Variants in ADAMTS6 observed in about 807,000 individuals in gnomAD.
The protein encoded by ADAMTS6 is A disintegrin and metalloproteinase with thrombospondin motifs 6.
A neutral mutation model predicts 144.3 loss-of-function variants in ADAMTS6; 23 were observed. That is an observed-to-expected ratio of 0.16 (90% CI 0.11 to 0.23). The LOEUF is 0.23. Ranked by LOEUF, ADAMTS6 falls within the 10% of genes least tolerant of loss-of-function variation. The pLI is 1.00. For missense variants in ADAMTS6, 999 were observed against 1,379.6 expected (o/e 0.72, Z 4.37); for synonymous variants, 444 against 457.5 (o/e 0.97, Z 0.38).
intron 24 of ADAMTS6, among the ~76,000 whole-genome samples, chr5:65,158,682 T>A (rs1752571790): frequency 6.6e-6 from 1 of 152,196 alleles, no homozygotes. Flanking sequence ...AATTCACTTT[T>A]AGCAGCAACA....
chr5:65,451,536 C>G lies in ADAMTS6; in HGVS notation c.1012G>C (p.Asp338His). The change falls in exon 7 of 25, where the codon GAT becomes CAT. Residue 338 changes from aspartate to histidine, a missense_variant. Physicochemically the swap from Asp to His is moderately conservative, Grantham distance 81. Coordinates refer to ENST00000381055, the MANE Select transcript of ADAMTS6 (RefSeq NM_197941.4). ...CCATTTTCTGGAATGGTGTTTCCAT[C>G]ACTTTGGTGGGAGAGAATGGATTTC... is the stretch of plus-strand genomic sequence containing the variant. Reference protein sequence around the residue: ...WQKSILSHQSDGNTIPENGIA... With the variant: ...WQKSILSHQSHGNTIPENGIA... 2 of 1,613,650 alleles carry G rather than the reference C, an allele frequency of 1.2e-6. No individual in the cohort carries two copies. Among genetic ancestry groups the G allele is most frequent in the Non-Finnish European group, 1.7e-6 (2 of 1,179,812 alleles).
intron 9 of ADAMTS6, among the ~76,000 whole-genome samples, chr5:65,302,194 TATATG>T (rs1168326585): frequency 1.4e-5 from 2 of 144,262 alleles, no homozygotes; most frequent in African/African-American, 5.1e-5. Context: ...ATTATATATT[TATATG>T]ATATTATACA....
chr5:65,317,608 A>G (rs1367766833), intron 9 of ADAMTS6, among the ~76,000 whole-genome samples: 1 of 152,234 alleles, frequency 6.6e-6, no homozygotes, highest in Non-Finnish European at 1.5e-5. Context: ...AACAATCAAC[A>G]AAGTGAAGAG....
In ADAMTS6 at chr5:65,215,478, G is replaced by T. The variant is rs977368635; in HGVS notation, c.2282C>A (p.Ser761Tyr). Residue 761 changes from serine (S) to tyrosine (Y), a missense_variant, in exon 19 of 25, where the codon TCT (serine) becomes TAT (tyrosine). By Grantham distance (144) the Ser-to-Tyr change is moderately radical (BLOSUM62 -2). Around this residue, in one of 3 missense-constraint regions of ADAMTS6, gnomAD observed 619 missense variants for 837.0 expected, o/e 0.74. Coordinates refer to ENST00000381055, the MANE Select transcript of ADAMTS6 (RefSeq NM_197941.4). Reference protein sequence around the residue: ...AMSKNYIALKSEGDDYYINGA... With the variant: ...AMSKNYIALKYEGDDYYINGA... ...ATTAATATAGTAATCATCTCCTTCAGATTTTAAAGCTAGAAAACAAATCAC... is the reference window on the plus strand; with the variant it reads ...ATTAATATAGTAATCATCTCCTTCATATTTTAAAGCTAGAAAACAAATCAC... 2.5e-6 allele frequency: 4 copies of T among 1,600,550 alleles called. No homozygotes were observed. In the African/African-American group the frequency reaches 4.0e-5, roughly 16 times the overall value.
At chr5:65,215,883 C>T (rs1366140196) in intron 18 of ADAMTS6, among the ~76,000 whole-genome samples, 1 of 151,866 alleles carries the variant, frequency 6.6e-6, no homozygotes, top group East Asian at 1.9e-4. Context: ...ACAGACTGAT[C>T]GACAGAACAC....
At chr5:65,325,326 T>A (rs1240287995) in intron 9 of ADAMTS6, among the ~76,000 whole-genome samples, 2 of 152,172 alleles carry the variant, frequency 1.3e-5, no homozygotes. Flanking sequence ...AATGTACTTA[T>A]GGGAAAGCAA....
chr5:65,190,991 G>A (rs1325904734), intron 21 of ADAMTS6, among the ~76,000 whole-genome samples: 12 of 151,864 alleles, frequency 7.9e-5, no homozygotes, highest in Non-Finnish European at 1.8e-4. Context: ...CCACGTATTT[G>A]ACCCTCTGAT....
At chr5:65,174,210 C>A (rs1232104033) in intron 22 of ADAMTS6, among the ~76,000 whole-genome samples, 1 of 152,134 alleles carries the variant, frequency 6.6e-6, no homozygotes, top group African/African-American at 2.4e-5. Flanking sequence ...GTGAGTCTTG[C>A]TGAAGCTCCT....
chr5:65,398,856 AAG>A (rs1353690748), intron 7 of ADAMTS6, among the ~76,000 whole-genome samples: 6 of 150,482 alleles, frequency 4.0e-5, no homozygotes, highest in South Asian at 2.1e-4. Flanking sequence ...AAGAAAAAGA[AAG>A]AGAAAGAAAG....
chr5:65,185,784 C>T (rs912192881), intron 22 of ADAMTS6, among the ~76,000 whole-genome samples: 5 of 152,134 alleles, frequency 3.3e-5, no homozygotes, highest in Admixed American at 1.3e-4. Flanking sequence ...CTGAAGGAAA[C>T]TTTAAAATAG....
intron 7 of ADAMTS6, among the ~76,000 whole-genome samples, chr5:65,406,971 A>C (rs183790681): frequency 6.6e-6 from 1 of 152,284 alleles, no homozygotes; most frequent in East Asian, 1.9e-4. Context: ...GCCTCCAAGA[A>C]ATATGGGACT....
At chr5:65,338,646 A>G (rs1284300895) in intron 7 of ADAMTS6, among the ~76,000 whole-genome samples, 1 of 152,048 alleles carries the variant, frequency 6.6e-6, no homozygotes, top group South Asian at 2.1e-4. Flanking sequence ...ACACCCTCCC[A>G]GCCAGCCAAG....
intron 20 of ADAMTS6, among the ~76,000 whole-genome samples, chr5:65,205,451 T>C (rs1048192877): frequency 1.3e-5 from 2 of 152,232 alleles, no homozygotes; most frequent in Non-Finnish European, 1.5e-5. Context: ...TGTTCTCTTT[T>C]AGTCAGCTAT....
At chr5:65,448,395 A>T (rs1246782387) in intron 7 of ADAMTS6, among the ~76,000 whole-genome samples, 3 of 152,152 alleles carry the variant, frequency 2.0e-5, no homozygotes, top group African/African-American at 7.2e-5. Context: ...TTTTCTGCAT[A>T]AACCTTTGAG....
At chr5:65,198,690 C>T (rs1755544535) in intron 20 of ADAMTS6, 1 of 166,916 alleles carries the variant, frequency 6.0e-6, no homozygotes, top group Admixed American at 6.6e-5. Flanking sequence ...CCTTCTGCAA[C>T]CATTTTTTAT....
intron 11 of ADAMTS6, among the ~76,000 whole-genome samples, chr5:65,289,560 C>T (rs771615542): frequency 2.0e-5 from 3 of 152,078 alleles, no homozygotes; most frequent in South Asian, 2.1e-4. Flanking sequence ...ATATCAGGAA[C>T]ATAAAGTAAA....
chr5:65,218,989 T>C (rs761735192), intron 18 of ADAMTS6, among the ~76,000 whole-genome samples: 6 of 152,072 alleles, frequency 3.9e-5, no homozygotes, highest in Admixed American at 6.5e-5. Context: ...CAAAGAAGTA[T>C]AGCTAATAAG....
intron 7 of ADAMTS6, among the ~76,000 whole-genome samples, chr5:65,411,548 A>G (rs1025184813): frequency 6.6e-6 from 1 of 152,044 alleles, no homozygotes; most frequent in African/African-American, 2.4e-5. Flanking sequence ...TTTTGTGTCA[A>G]TCCTTCCCCA....
intron 14 of ADAMTS6, 128 bp from the exon 15 acceptor site, chr5:65,242,334 G>T: frequency 1.8e-6 from 1 of 563,580 alleles, no homozygotes; most frequent in Non-Finnish European, 3.0e-6. Flanking sequence ...TCTGGCATTT[G>T]CTTTACTGTT....
Sources: gnomAD v4.1 joint callset for allele counts (sites outside exome capture counted in the v4.1 genomes callset) on GRCh38, gnomAD v4.1.1 for gene constraint, gnomAD v4.1.1 regional missense constraint, MANE v1.5 for transcripts, NCBI Gene and HGNC (gene_info 2026-07-23, HGNC 2026-07-21) for gene names.